The following TTLL8 variants were observed in gnomAD, a reference collection of about 807,000 sequenced individuals.
The protein encoded by TTLL8 is tubulin tyrosine ligase like 8.
Under a neutral mutation model 77.8 loss-of-function variants are expected in TTLL8, and 65 were observed. The ratio of observed to expected loss-of-function variants is 0.84; its 90% CI spans 0.68 to 1.03. TTLL8 has a LOEUF of 1.03. Among genes scored for constraint, TTLL8 ranks in the 50% least tolerant of loss-of-function variants. TTLL8 has a pLI of 0.00. For synonymous variants in TTLL8, 402 were observed against 422.8 expected (o/e 0.95, Z 0.60); for missense variants, 910 against 1,004.5 (o/e 0.91, Z 1.27).
Position 50,044,505 on chromosome 22 carries a change from A to G in TTLL8, c.643+750T>C, listed in dbSNP as rs2061395821. ...GAAGCCACCGCTCCAGCGTTCACCA[A>G]TCAGGATTTATTTCCTCTGTTTCCA... On this transcript the variant is annotated intron_variant, in intron 6 of 13. Coordinates refer to ENST00000266182, the Ensembl canonical transcript of TTLL8. This position sits in a 1 kb window ranked among gnomAD's most constrained non-coding sequence, Gnocchi z 4.2. Among the ~76,000 whole-genome samples the G allele has an allele frequency of 6.6e-6, 1 of 152,256 alleles. No homozygotes were observed. Among genetic ancestry groups the G allele is most frequent in the East Asian group, 1.9e-4 (1 of 5,184 alleles).
chr22:50,019,833 C>A (rs185447149), intron 12 of TTLL8, among the ~76,000 whole-genome samples: 38 of 152,312 alleles, frequency 2.5e-4, no homozygotes, highest in African/African-American at 8.9e-4. Context: ...CCACAGAATC[C>A]ATGTACATGA....
At chr22:50,047,225 G>A in exon 4 of TTLL8, 1 of 1,367,688 alleles carries the variant, frequency 7.3e-7, no homozygotes, top group Non-Finnish European at 9.8e-7. Context: ...CGTAGGTCAG[G>A]CTGTGATAGT....
At chr22:50,028,095 A>C (rs971209875) in intron 12 of TTLL8, among the ~76,000 whole-genome samples, 2 of 152,250 alleles carry the variant, frequency 1.3e-5, no homozygotes, top group Non-Finnish European at 2.9e-5. Flanking sequence ...TTGAATCAAC[A>C]GTCATCTGCG....
chr22:50,055,545 C>T (rs1049160836), upstream of TTLL8, among the ~76,000 whole-genome samples: 6 of 151,784 alleles, frequency 4.0e-5, no homozygotes, highest in African/African-American at 1.5e-4. Flanking sequence ...ATCCCAGCTA[C>T]TCGGAAGGCT....
intron 8 of TTLL8, among the ~76,000 whole-genome samples, chr22:50,036,999 C>G (rs569456947): frequency 3.4e-4 from 52 of 152,284 alleles, no homozygotes; most frequent in Admixed American, 8.5e-4. Context: ...TTTGGGCCAT[C>G]ATGAAGTCTT....
At chr22:50,025,725 T>C (rs1162542755) in intron 12 of TTLL8, among the ~76,000 whole-genome samples, 1 of 152,010 alleles carries the variant, frequency 6.6e-6, no homozygotes, top group Non-Finnish European at 1.5e-5. Context: ...AATTTTACAA[T>C]AGGAAAAAGA....
intron 12 of TTLL8, among the ~76,000 whole-genome samples, 62 bp from the exon 14 acceptor site, chr22:50,018,853 C>T (rs1356385041): frequency 6.6e-6 from 1 of 152,192 alleles, no homozygotes; most frequent in Non-Finnish European, 1.5e-5. Flanking sequence ...CTGGCACCTT[C>T]CTAAGGGACA....
upstream of TTLL8, among the ~76,000 whole-genome samples, chr22:50,058,189 G>A (rs1403684827): frequency 3.3e-5 from 5 of 151,752 alleles, no homozygotes; most frequent in Non-Finnish European, 7.4e-5. This position sits in a 1 kb window ranked among gnomAD's most constrained non-coding sequence, Gnocchi z 4.2. Context: ...TGCGCCGCCC[G>A]GCTTCCTGGG....
chr22:50,042,321 T>C (rs1165897856), intron 6 of TTLL8, among the ~76,000 whole-genome samples: 2 of 152,242 alleles, frequency 1.3e-5, no homozygotes, highest in Non-Finnish European at 2.9e-5. Flanking sequence ...TTATTTTTTA[T>C]TTTTATTGTT....
At chr22:50,028,083 G>T (rs1024130342) in intron 12 of TTLL8, among the ~76,000 whole-genome samples, 1 of 152,242 alleles carries the variant, frequency 6.6e-6, no homozygotes, top group Non-Finnish European at 1.5e-5. Flanking sequence ...CAAAATGCCA[G>T]GTTGAATCAA....
intron 12 of TTLL8, chr22:50,027,857 C>A (rs1475939816): frequency 1.0e-6 from 1 of 969,502 alleles, no homozygotes; most frequent in South Asian, 4.8e-5. Flanking sequence ...TCCTCCCGGC[C>A]GTGCCCTCGA....
At chr22:50,031,329 G>A (rs1201146434) in intron 11 of TTLL8, among the ~76,000 whole-genome samples, 3 of 152,238 alleles carry the variant, frequency 2.0e-5, no homozygotes, top group African/African-American at 7.2e-5. Flanking sequence ...CAGCATAGGT[G>A]GCCTGGAGGC....
Position 50,030,689 on chromosome 22 carries a change from CA to C in TTLL8, c.1943del (p.Leu648ArgfsTer7), listed in dbSNP as rs765938938. The C allele has an allele frequency of 5.4e-6, 7 of 1,286,288 alleles. 1 individual carries two copies. In the South Asian group the frequency reaches 6.7e-5, roughly 12 times the overall value. The allele number at this position is 1,286,288 out of a possible 1,614,324, so 79.7% of individuals were successfully genotyped here. Reference sequence around the variant, plus strand: ...CCCCCCTTAAGGGTGCCAGCAAGGCCAGGGGGAGCCCCTTCTCTTCCTTCAG... The same window carrying C: ...CCCCCCTTAAGGGTGCCAGCAAGGCCGGGGGAGCCCCTTCTCTTCCTTCAG... On this transcript the variant is annotated frameshift_variant, in exon 12 of 14. Coordinates refer to ENST00000266182, the Ensembl canonical transcript of TTLL8. LOFTEE classifies it high-confidence loss of function.
At chr22:50,054,547 T>G (rs2061460744) in intron 1 of TTLL8, 1 of 217,162 alleles carries the variant, frequency 4.6e-6, no homozygotes, top group Non-Finnish European at 1.1e-5. Flanking sequence ...TGAGCGTCCC[T>G]AAGGGGAGCT....
At chr22:50,023,911 T>C (rs1029575604) in intron 12 of TTLL8, among the ~76,000 whole-genome samples, 2 of 151,696 alleles carry the variant, frequency 1.3e-5, no homozygotes, top group Admixed American at 1.3e-4. Context: ...TCCCAGCTAC[T>C]TGGGAGGCTG....
At chr22:50,050,356 AC>A in intron 1 of TTLL8, 109 bp from the exon 4 acceptor site, 1 of 697,258 alleles carries the variant, frequency 1.4e-6, no homozygotes, top group Non-Finnish European at 2.1e-6. Context: ...ATTTGGGGGC[AC>A]CCATCACCCA....
intron 11 of TTLL8, 97 bp from the exon 13 acceptor site, chr22:50,031,022 G>A: frequency 2.7e-6 from 3 of 1,107,908 alleles, no homozygotes; most frequent in Non-Finnish European, 3.5e-6. Flanking sequence ...TCGGGGCACA[G>A]ACCCCCACCT....
intron 12 of TTLL8, among the ~76,000 whole-genome samples, chr22:50,026,225 C>A (rs537164868): frequency 5.9e-5 from 9 of 152,048 alleles, no homozygotes; most frequent in African/African-American, 2.2e-4. Context: ...ACTGTACAGC[C>A]GCTGCACCTC....
intron 2 of TTLL8, 68 bp downstream of exon 4, chr22:50,050,041 C>T (rs2061435644): frequency 4.5e-6 from 6 of 1,324,130 alleles, no homozygotes; most frequent in Admixed American, 2.1e-5. Context: ...CTCAGGCCGG[C>T]GCCGACTCCT....
Sources: allele counts gnomAD v4.1 joint callset (sites outside exome capture counted in the v4.1 genomes callset), GRCh38; gene constraint gnomAD v4.1.1; non-coding constraint Gnocchi (gnomAD v3.1); transcripts MANE v1.5; gene names NCBI Gene and HGNC (gene_info 2026-07-23, HGNC 2026-07-21).